Variants in EYS observed in about 807,000 individuals in gnomAD.
EYS encodes the protein EGF-like photoreceptor maintenance factor.
EYS carries 250 observed loss-of-function variants against 282.1 expected under a neutral mutation model. The ratio of observed to expected loss-of-function variants is 0.89; its 90% confidence interval spans 0.80 to 0.98. The LOEUF is 0.98. Ranked by LOEUF, EYS falls within the 50% of genes least tolerant of loss-of-function variation. The pLI, the probability that EYS is intolerant of heterozygous loss-of-function variation, is 0.00. For synonymous variants in EYS, 1,355 were observed against 1,282.9 expected, an observed-to-expected ratio of 1.06 and a Z score of -1.20; for missense variants, 4,016 against 3,709.0, an observed-to-expected ratio of 1.08 and a Z score of -2.15.
At chr6:64,701,711 AG>A (rs1770797270) in intron 22 of EYS, among the ~76,000 whole-genome samples, 1 of 152,030 alleles carries the variant, frequency 6.6e-6, no homozygotes, top group Non-Finnish European at 1.5e-5. Context: ...GAGGTGGGTG[AG>A]GGATGAGAAA....
At chr6:65,470,079 G>A (rs1369024604) in intron 5 of EYS, among the ~76,000 whole-genome samples, 2 of 152,114 alleles carry the variant, frequency 1.3e-5, no homozygotes, top group South Asian at 2.1e-4. Context: ...CTTAAAATGT[G>A]CTTACTTTAA....
chr6:65,691,031 T>G (rs1769223790), intron 1 of EYS, among the ~76,000 whole-genome samples: 1 of 150,316 alleles, frequency 6.7e-6, no homozygotes, highest in Admixed American at 6.7e-5. Context: ...TGAATAGTGC[T>G]ACAATAAACA....
chr6:64,799,872 C>T (rs1482648369), intron 22 of EYS, among the ~76,000 whole-genome samples: 1 of 151,836 alleles, frequency 6.6e-6, no homozygotes, highest in Non-Finnish European at 1.5e-5. Flanking sequence ...AAGTGAATGT[C>T]TATTTCTACA....
chr6:65,349,143 G>A (rs1032350417), intron 9 of EYS, among the ~76,000 whole-genome samples: 2 of 151,294 alleles, frequency 1.3e-5, no homozygotes, highest in Non-Finnish European at 3.0e-5. Flanking sequence ...TTTATTATAT[G>A]TTATATATTT....
chr6:64,651,129 G>A (rs1206948364), intron 22 of EYS, among the ~76,000 whole-genome samples: 8 of 151,888 alleles, frequency 5.3e-5, no homozygotes, highest in Admixed American at 5.3e-4. Context: ...TGGTTTCAAT[G>A]TCTTTCTAAC....
intron 31 of EYS, among the ~76,000 whole-genome samples, chr6:64,203,012 G>A (rs1467503315): frequency 6.6e-6 from 1 of 152,182 alleles, no homozygotes; most frequent in African/African-American, 2.4e-5. Context: ...TGTTACAGTA[G>A]CCCTCAGATA....
intron 12 of EYS, among the ~76,000 whole-genome samples, chr6:65,221,918 GA>G (rs1472907242): frequency 3.3e-5 from 5 of 152,146 alleles, no homozygotes. Context: ...AGATCATTAC[GA>G]AGCTTTAAGT....
intron 26 of EYS, among the ~76,000 whole-genome samples, chr6:64,548,084 C>T (rs1482069734): frequency 6.6e-6 from 1 of 152,210 alleles, no homozygotes; most frequent in Admixed American, 6.5e-5. Context: ...CGGCTCCAGC[C>T]TCGGCCAGCC....
At chr6:64,729,570 G>A (rs1226179083) in intron 22 of EYS, among the ~76,000 whole-genome samples, 1 of 152,172 alleles carries the variant, frequency 6.6e-6, no homozygotes, top group African/African-American at 2.4e-5. Flanking sequence ...AAGCCTAATT[G>A]CGCCAAATCT....
At chr6:65,160,517 T>G (rs1366390216) in intron 12 of EYS, among the ~76,000 whole-genome samples, 1 of 150,830 alleles carries the variant, frequency 6.6e-6, no homozygotes, top group Non-Finnish European at 1.5e-5. Flanking sequence ...GCACTTATCT[T>G]TTGTTTGACT....
intron 36 of EYS, among the ~76,000 whole-genome samples, chr6:63,844,863 A>G (rs1562056189): frequency 6.6e-6 from 1 of 152,006 alleles, no homozygotes; most frequent in South Asian, 2.1e-4. Context: ...GTTTAATGTA[A>G]TTATGTCCCA....
At chr6:64,230,954 CAAAT>C (rs1766409840) in intron 30 of EYS, 130 bp from the exon 31 acceptor site, 1 of 506,150 alleles carries the variant, frequency 2.0e-6, no homozygotes, top group African/African-American at 1.9e-5. Context: ...TAACTGAGGA[CAAAT>C]AAAATTATCA....
intron 8 of EYS, among the ~76,000 whole-genome samples, chr6:65,381,314 CA>C (rs2150349423): frequency 6.6e-6 from 1 of 152,054 alleles, no homozygotes; most frequent in Non-Finnish European, 1.5e-5. Flanking sequence ...ATGTCCTTTG[CA>C]GAGATGTGGA....
At chr6:64,116,409 G>A (rs899195727) in intron 31 of EYS, among the ~76,000 whole-genome samples, 1 of 152,058 alleles carries the variant, frequency 6.6e-6, no homozygotes, top group Non-Finnish European at 1.5e-5. Context: ...TCCTATAGTA[G>A]ATACATAAAA....
rs1035799066 is a variant in EYS at position 64,566,515 on chromosome 6, ACTTAATTCGCATTT to A, written c.5644+23694_5644+23707del. On this transcript the variant is annotated intron_variant, in intron 26 of 42. Transcript: ENST00000503581. ...AAATGCAGAATTGATAAGAATGGGC[ACTTAATTCGCATTT>A]CTTACTACAACAGTGCAGGGGATAT... 4.9e-4 allele frequency among the ~76,000 whole-genome samples: 74 copies of A among 152,268 alleles called. 1 individual carries two copies. The highest frequency in any genetic ancestry group is 1.8e-3 in the African/African-American group (74 of 41,552).
intron 5 of EYS, among the ~76,000 whole-genome samples, chr6:65,408,307 T>C (rs1001275490): frequency 2.6e-5 from 4 of 152,120 alleles, no homozygotes; most frequent in Non-Finnish European, 5.9e-5. Context: ...CCTGATAGCA[T>C]GACTTCAAAA....
At chr6:64,402,820 C>G (rs896752008) in intron 28 of EYS, among the ~76,000 whole-genome samples, 6 of 152,114 alleles carry the variant, frequency 3.9e-5, no homozygotes, top group African/African-American at 1.4e-4. Context: ...AATAGACCTT[C>G]TTTTTCCTTT....
intron 5 of EYS, among the ~76,000 whole-genome samples, chr6:65,431,782 T>C (rs1172120320): frequency 6.6e-6 from 1 of 152,136 alleles, no homozygotes; most frequent in African/African-American, 2.4e-5. Context: ...TTTTAAAATG[T>C]GAGCTAGTAA....
chr6:64,455,528 T>C (rs1775529553), intron 26 of EYS, among the ~76,000 whole-genome samples: 1 of 152,136 alleles, frequency 6.6e-6, no homozygotes, highest in South Asian at 2.1e-4. Flanking sequence ...GGTGGTTTGC[T>C]GCACCTATCA....
Sources: gnomAD v4.1 joint callset for allele counts (sites outside exome capture counted in the v4.1 genomes callset) on GRCh38, gnomAD v4.1.1 for gene constraint, MANE v1.5 for transcripts, NCBI Gene and HGNC (gene_info 2026-07-23, HGNC 2026-07-21) for gene names.